Variants in RYR2 observed in about 807,000 individuals in gnomAD.
RYR2 encodes ryanodine receptor 2.
In RYR2, 227 loss-of-function variants were observed where a neutral mutation model predicts 601.1. The observed-to-expected ratio is 0.38, with a 90% CI of 0.34 to 0.42. RYR2 has a LOEUF of 0.42. Among genes scored for constraint, RYR2 ranks in the 10% least tolerant of loss-of-function variants. The pLI is 1.00. For synonymous variants in RYR2, 2,223 were observed against 2,175.1 expected (o/e 1.02, Z -0.61); for missense variants, 4,646 against 6,156.5 (o/e 0.75, Z 8.21).
chr1:237,750,809 A>T (rs1298106587), intron 80 of RYR2, among the ~76,000 whole-genome samples: 1 of 152,182 alleles, frequency 6.6e-6, no homozygotes, highest in Non-Finnish European at 1.5e-5. Flanking sequence ...GCTACCAAGT[A>T]TCTGGAAGAA....
chr1:237,774,405 T>C (rs148400026), intron 87 of RYR2, among the ~76,000 whole-genome samples: 1,621 of 152,314 alleles, frequency 0.011, 18 homozygotes, highest in Middle Eastern at 0.02. Context: ...GCGTAACAGT[T>C]ACAGCTGTTT....
chr1:237,115,700 G>A (rs917686290), intron 1 of RYR2, among the ~76,000 whole-genome samples: 2 of 152,188 alleles, frequency 1.3e-5, no homozygotes, highest in Non-Finnish European at 2.9e-5. Context: ...GAAGGTATCC[G>A]TGCCTCTGGG....
At chr1:237,714,424 G>T (rs1486036518) in intron 71 of RYR2, among the ~76,000 whole-genome samples, 5 of 152,154 alleles carry the variant, frequency 3.3e-5, no homozygotes, top group African/African-American at 1.2e-4. Flanking sequence ...CTTGGAAAAT[G>T]AGTCTTTTCT....
chr1:237,300,916 C>G (rs1333868442), intron 2 of RYR2, among the ~76,000 whole-genome samples: 4 of 151,968 alleles, frequency 2.6e-5, no homozygotes, highest in South Asian at 4.2e-4. Flanking sequence ...TACTGTCTTA[C>G]AATAATCGAA....
intron 47 of RYR2, 96 bp from the exon 48 acceptor site, chr1:237,643,231 A>G: frequency 6.7e-7 from 1 of 1,491,138 alleles, no homozygotes; most frequent in Non-Finnish European, 9.2e-7. Flanking sequence ...TCAGAAAATT[A>G]TTTTGGACTT....
chr1:237,744,279 G>A (rs12057693), intron 80 of RYR2, among the ~76,000 whole-genome samples: 39,648 of 151,144 alleles, frequency 0.26, 5,364 homozygotes, highest in South Asian at 0.33. Flanking sequence ...AAGGCTATAT[G>A]GTAGGAAAAT....
chr1:237,197,105 A>G (rs1053550586), intron 1 of RYR2, among the ~76,000 whole-genome samples: 2 of 152,184 alleles, frequency 1.3e-5, no homozygotes, highest in Non-Finnish European at 2.9e-5. Context: ...TTAAAAATAT[A>G]CTGGTCTTAT....
In RYR2 at chr1:237,156,575, G is replaced by A. The variant is rs1179207752; in HGVS notation, c.49-113922G>A. 2.0e-5 allele frequency among the ~76,000 whole-genome samples: 3 copies of A among 152,156 alleles called. 1 individual carries two copies. The highest frequency in any genetic ancestry group is 2.0e-4 in the Admixed American group (3 of 15,284). On this transcript the variant is annotated intron_variant, in intron 1 of 104. Coordinates refer to ENST00000366574, the MANE Select transcript of RYR2 (RefSeq NM_001035.3). ...TTAGGGATACAAATTGTAATTGCCTGCTTAATCATGCTCTCCTATACTAAG... is the reference window on the plus strand; with the variant it reads ...TTAGGGATACAAATTGTAATTGCCTACTTAATCATGCTCTCCTATACTAAG...
intron 66 of RYR2, among the ~76,000 whole-genome samples, chr1:237,702,283 A>G (rs548592249): frequency 9.2e-5 from 14 of 152,322 alleles, no homozygotes; most frequent in Non-Finnish European, 1.2e-4. Context: ...AATGGTAAAG[A>G]CTACACTTAA....
chr1:237,590,687 C>G lies in RYR2; in HGVS notation c.3855C>G (p.Val1285=). The G allele has an allele frequency of 6.3e-7, 1 of 1,581,504 alleles. No individual in the cohort carries two copies. The highest frequency in any genetic ancestry group is 8.6e-7 in the Non-Finnish European group (1 of 1,161,956). Residue 1285 remains valine (V), a synonymous_variant, in exon 31 of 105, where the codon GTC becomes GTG. Transcript: ENST00000366574. The part of the protein sequence containing the change: ...GTIDSSPCLK[V]TQKSFGSQNS... ...TAGACAGTTCCCCATGTTTAAAGGTCACTCAGAAGTCTTTTGGTTCTCAGA... is the reference window on the plus strand; with the variant it reads ...TAGACAGTTCCCCATGTTTAAAGGTGACTCAGAAGTCTTTTGGTTCTCAGA...
chr1:237,125,283 A>C (rs892506231), intron 1 of RYR2, among the ~76,000 whole-genome samples: 2 of 152,114 alleles, frequency 1.3e-5, no homozygotes, highest in Non-Finnish European at 2.9e-5. Context: ...GGGAGGGTTT[A>C]TAGGGAGTCC....
rs1207807419 is a variant in RYR2 at position 237,481,112 on chromosome 1, A to ATGTG, written c.1709-10693_1709-10692insGTGT. Among the ~76,000 whole-genome samples, 39 of 67,358 alleles carry ATGTG rather than the reference A, an allele frequency of 5.8e-4. No individual in the cohort carries two copies. In the African/African-American group the frequency reaches 8.9e-3, roughly 15 times the overall value. The allele number at this position is 67,358 out of a possible 152,430, so 44.2% of individuals were successfully genotyped here. A position where few individuals can be genotyped will look rare whatever the true frequency, so the allele number is the denominator to read the frequency against. ...TATTTTTAAGTGTATATATACATAT[A>ATGTG]TATATATATATATACACACACATAT... On this transcript the variant is annotated intron_variant, in intron 17 of 104. Transcript: ENST00000366574.
chr1:237,694,689 A>G (rs1246243222), intron 63 of RYR2, among the ~76,000 whole-genome samples: 1 of 152,218 alleles, frequency 6.6e-6, no homozygotes, highest in African/African-American at 2.4e-5. Flanking sequence ...ACATAGCATT[A>G]TAGGAGAATT....
At chr1:237,317,964 ATTGGAT>A (rs1695270611) in intron 2 of RYR2, among the ~76,000 whole-genome samples, 1 of 152,128 alleles carries the variant, frequency 6.6e-6, no homozygotes, top group Non-Finnish European at 1.5e-5. Context: ...GTGTGATATA[ATTGGAT>A]TTGCATTTGC....
At chr1:237,769,140 G>A (rs1694076209) in intron 84 of RYR2, among the ~76,000 whole-genome samples, 1 of 151,418 alleles carries the variant, frequency 6.6e-6, no homozygotes, top group Non-Finnish European at 1.5e-5. Flanking sequence ...GAATTGATTT[G>A]TTTTTTGAAA....
Position 237,639,220 on chromosome 1 carries a change from C to A in RYR2, c.7115+19C>A, listed in dbSNP as rs781194610. The A allele has an allele frequency of 6.3e-7, 1 of 1,588,500 alleles. No individual in the cohort carries two copies. The highest frequency in any genetic ancestry group is 8.6e-7 in the Non-Finnish European group (1 of 1,164,804). Reference sequence around the variant, plus strand: ...AAACACTGTAGGTCTAATATACACACCCTCACGAGTGATCCATACTACTTG... The same window carrying A: ...AAACACTGTAGGTCTAATATACACAACCTCACGAGTGATCCATACTACTTG... On this transcript the variant is annotated intron_variant, in intron 46 of 104. Coordinates refer to ENST00000366574, the MANE Select transcript of RYR2 (RefSeq NM_001035.3).
chr1:237,143,467 A>G (rs1673611515), intron 1 of RYR2, among the ~76,000 whole-genome samples: 1 of 152,142 alleles, frequency 6.6e-6, no homozygotes, highest in African/African-American at 2.4e-5. Context: ...TGCTTTGCCT[A>G]CAGCAGCCAG....
chr1:237,304,727 CTT>C (rs66471983), intron 2 of RYR2, among the ~76,000 whole-genome samples: 39,023 of 152,024 alleles, frequency 0.26, 5,818 homozygotes, highest in South Asian at 0.36. Context: ...GAGCCATGAA[CTT>C]TATATGAATG....
intron 29 of RYR2, among the ~76,000 whole-genome samples, chr1:237,572,771 A>T (rs1672833532): frequency 6.6e-6 from 1 of 152,098 alleles, no homozygotes; most frequent in African/African-American, 2.4e-5. Flanking sequence ...CATGAATCTA[A>T]ATTTTCTACT....
Sources: allele counts gnomAD v4.1 joint callset (sites outside exome capture counted in the v4.1 genomes callset), GRCh38; gene constraint gnomAD v4.1.1; transcripts MANE v1.5; gene names NCBI Gene and HGNC (gene_info 2026-07-23, HGNC 2026-07-21).